ZNF578: variants seen among roughly 807,000 people sequenced by gnomAD.
ZNF578 encodes the protein zinc finger protein 578.
In ZNF578, 8 loss-of-function variants were observed where a neutral mutation model predicts 8.3. The observed-to-expected ratio is 0.96, with a 90% confidence interval of 0.56 to 1.74. The LOEUF is 1.74. Ranked by LOEUF, ZNF578 falls within the 40% of genes most tolerant of loss-of-function variation. The pLI is 0.00. For synonymous variants in ZNF578, 206 were observed against 232.2 expected (o/e 0.89, Z 1.03); for missense variants, 726 against 707.5 (o/e 1.03, Z -0.30).
intron 3 of ZNF578, among the ~76,000 whole-genome samples, chr19:52,500,127 C>T (rs911851869): frequency 1.3e-5 from 2 of 152,162 alleles, no homozygotes; most frequent in Non-Finnish European, 2.9e-5. Context: ...CCTTTGTGAT[C>T]TCCCACAGCC....
At chr19:52,461,500 G>C (rs112961767) in intron 2 of ZNF578, among the ~76,000 whole-genome samples, 1,607 of 152,272 alleles carry the variant, frequency 0.011, 29 homozygotes, top group African/African-American at 0.037. Context: ...ACATTTCTGT[G>C]ATGATATGAA....
At position 52,510,976 on chromosome 19, in the gene ZNF578, A is replaced by G; in HGVS notation, c.595A>G (p.Arg199Gly). Residue 199 changes from arginine (R) to glycine (G), a missense_variant, in exon 6 of 6, where the codon AGG (arginine) becomes GGG (glycine). Transcript: ENST00000421239. Reference protein sequence around the residue: ...SISTSQRISCRPETHTPNNYG... With the variant: ...SISTSQRISCGPETHTPNNYG... ...TTCAACATCCCAAAGAATTTCTTGT[A>G]GGCCTGAAACACATACTCCTAATAA... 1 of 1,614,202 alleles carries G rather than the reference A, an allele frequency of 6.2e-7. No homozygotes were observed. Among genetic ancestry groups the G allele is most frequent in the Non-Finnish European group, 8.5e-7 (1 of 1,180,018 alleles).
At chr19:52,499,176 A>T (rs894431658) in intron 3 of ZNF578, among the ~76,000 whole-genome samples, 12 of 152,226 alleles carry the variant, frequency 7.9e-5, no homozygotes, top group African/African-American at 2.7e-4. Context: ...AGAAAAGCTC[A>T]GTCAGTGACA....
At chr19:52,484,615 G>A (rs1186357371) in intron 2 of ZNF578, among the ~76,000 whole-genome samples, 1 of 151,944 alleles carries the variant, frequency 6.6e-6, no homozygotes, top group Non-Finnish European at 1.5e-5. Context: ...CCAGATGGCC[G>A]GTTCCTGCCT....
At chr19:52,457,478 AAATT>A (rs2059243109) in intron 2 of ZNF578, 1 of 152,172 alleles carries the variant, frequency 6.6e-6, no homozygotes, top group Non-Finnish European at 1.5e-5. Context: ...CCAATCTAGC[AAATT>A]AATTGAAGAG....
intron 1 of ZNF578, chr19:52,454,701 G>A (rs1216715698): frequency 6.6e-6 from 1 of 152,206 alleles, no homozygotes; most frequent in East Asian, 1.9e-4. Context: ...CAGAAGTAGA[G>A]GTGAAAACTA....
At chr19:52,502,889 AC>A (rs774590058) in intron 4 of ZNF578, among the ~76,000 whole-genome samples, 100 of 152,294 alleles carry the variant, frequency 6.6e-4, no homozygotes, top group Non-Finnish European at 1.1e-3. Flanking sequence ...GGCATGGGTC[AC>A]CATATGTATG....
intron 5 of ZNF578, among the ~76,000 whole-genome samples, chr19:52,505,959 T>A (rs1373876749): frequency 6.6e-6 from 1 of 151,704 alleles, no homozygotes. Context: ...GTGCAGTGGC[T>A]TGATCTTGGC....
At chr19:52,486,667 AAC>A (rs973758263) in intron 2 of ZNF578, among the ~76,000 whole-genome samples, 2 of 151,946 alleles carry the variant, frequency 1.3e-5, no homozygotes, top group Non-Finnish European at 2.9e-5. Flanking sequence ...CAGAGGGAGA[AAC>A]ACAGCAGGGA....
At chr19:52,499,723 TGGCTGA>T (rs2059399959) in intron 3 of ZNF578, among the ~76,000 whole-genome samples, 1 of 149,324 alleles carries the variant, frequency 6.7e-6, no homozygotes, top group Non-Finnish European at 1.5e-5. Flanking sequence ...TTCACTCTTA[TGGCTGA>T]GGCTGGAGTG....
chr19:52,472,441 C>G (rs1479231107), intron 2 of ZNF578, among the ~76,000 whole-genome samples: 1 of 152,190 alleles, frequency 6.6e-6, no homozygotes, highest in African/African-American at 2.4e-5. Flanking sequence ...TTTCATTAAA[C>G]TCTCTACTCT....
chr19:52,457,157 C>G (rs528370398), intron 2 of ZNF578, 199 bp downstream of exon 2: 5 of 152,758 alleles, frequency 3.3e-5, no homozygotes, highest in Admixed American at 2.0e-4. Flanking sequence ...CTTCCTTTCA[C>G]TCTGATGCTC....
At chr19:52,469,564 T>A (rs1019398411) in intron 2 of ZNF578, among the ~76,000 whole-genome samples, 1 of 152,180 alleles carries the variant, frequency 6.6e-6, no homozygotes, top group Admixed American at 6.5e-5. Flanking sequence ...TCTCTACTTC[T>A]AATAGTACAG....
Position 52,516,519 on chromosome 19 carries a change from G to T in ZNF578, c.*4365G>T, listed in dbSNP as rs192467935. On this transcript the variant is annotated 3_prime_UTR_variant, in exon 6 of 6. Coordinates refer to ENST00000421239, the MANE Select transcript of ZNF578 (RefSeq NM_001099694.2). ...GCCTCTGAGCCCAAGCTAAGCCATCGTATCCCCTGTCACCTGCACGTATAC... is the reference window on the plus strand; with the variant it reads ...GCCTCTGAGCCCAAGCTAAGCCATCTTATCCCCTGTCACCTGCACGTATAC... Among the ~76,000 whole-genome samples the T allele has an allele frequency of 5.3e-5, 8 of 152,182 alleles. No individual in the cohort carries two copies. The highest frequency in any genetic ancestry group is 1.2e-4 in the Non-Finnish European group (8 of 68,030).
At chr19:52,487,372 A>G (rs915121046) in intron 2 of ZNF578, among the ~76,000 whole-genome samples, 10 of 152,256 alleles carry the variant, frequency 6.6e-5, no homozygotes, top group African/African-American at 2.4e-4. Flanking sequence ...TAGTTGTGAC[A>G]TGTTGACTTC....
chr19:52,489,020 G>A (rs1407930638), intron 2 of ZNF578, among the ~76,000 whole-genome samples: 5 of 151,398 alleles, frequency 3.3e-5, no homozygotes, highest in Non-Finnish European at 7.4e-5. Flanking sequence ...ACTTGGACCC[G>A]GCTGGAAGGC....
chr19:52,500,704 C>T (rs995882383), intron 3 of ZNF578, among the ~76,000 whole-genome samples: 1 of 151,820 alleles, frequency 6.6e-6, no homozygotes, highest in Non-Finnish European at 1.5e-5. Flanking sequence ...TTTGATTAGC[C>T]TTTCAAAGGA....
At chr19:52,508,018 C>T (rs1455444710) in intron 5 of ZNF578, among the ~76,000 whole-genome samples, 1 of 151,880 alleles carries the variant, frequency 6.6e-6, no homozygotes, top group Non-Finnish European at 1.5e-5. Flanking sequence ...CATTGCTCTC[C>T]AGCCTGGGCA....
chr19:52,486,568 C>T (rs1270277228), intron 2 of ZNF578, among the ~76,000 whole-genome samples: 3 of 152,030 alleles, frequency 2.0e-5, no homozygotes, highest in African/African-American at 4.8e-5. Context: ...AGAGTGGCAG[C>T]GAAGAGGGAG....
Sources: allele counts gnomAD v4.1 joint callset (sites outside exome capture counted in the v4.1 genomes callset), GRCh38; gene constraint gnomAD v4.1.1; transcripts MANE v1.5; gene names NCBI Gene and HGNC (gene_info 2026-07-23, HGNC 2026-07-21).